Variants in OBP2B observed in about 807,000 individuals in gnomAD.
The protein encoded by OBP2B is odorant binding protein 2B.
OBP2B carries 10 observed loss-of-function variants against 21.7 expected under a neutral mutation model. The ratio of observed to expected loss-of-function variants is 0.46; its 90% CI spans 0.28 to 0.78. The LOEUF (loss-of-function observed/expected upper bound fraction) is 0.78. OBP2B is among the 30% of genes least tolerant of loss of function. The pLI is 0.11. For missense variants in OBP2B, 153 were observed against 217.7 expected (o/e 0.70, Z 1.87); for synonymous variants, 73 against 91.5 (o/e 0.80, Z 1.16).
In OBP2B at chr9:133,205,300, G is replaced by T. The variant is rs1833666060; in HGVS notation, c.*113C>A. 8 of 1,492,756 alleles carry T rather than the reference G, an allele frequency of 5.4e-6. No individual in the cohort carries two copies. Among genetic ancestry groups the T allele is most frequent in the Non-Finnish European group, 7.2e-6 (8 of 1,104,144 alleles). The allele number at this position is 1,492,756 out of a possible 1,614,324, so 92.5% of individuals were successfully genotyped here. A position where few individuals can be genotyped will look rare whatever the true frequency, so the allele number is the denominator to read the frequency against. Reference sequence around the variant, plus strand: ...GAGCTGGGGGAGAAGGACTTTATTTGGAGTCAGGTGGGTGGGAGCAGGGAA... The same window carrying T: ...GAGCTGGGGGAGAAGGACTTTATTTTGAGTCAGGTGGGTGGGAGCAGGGAA... On this transcript the variant is annotated 3_prime_UTR_variant, in exon 7 of 7. Transcript: ENST00000372034.
chr9:133,219,373 AAG>A, the OBP2B span, among the ~76,000 whole-genome samples: 1 of 152,270 alleles, frequency 6.6e-6, no homozygotes, highest in Admixed American at 6.5e-5. Flanking sequence ...CATATCTGAC[AAG>A]AGTCGAGTCT....
At chr9:133,213,221 C>A (rs1439972077), upstream of OBP2B, among the ~76,000 whole-genome samples, 1 of 152,134 alleles carries the variant, frequency 6.6e-6, no homozygotes, top group Admixed American at 6.5e-5. Context: ...GCCTGGGATA[C>A]AGAGCGAGAC....
At chr9:133,221,606 C>T in the OBP2B span, among the ~76,000 whole-genome samples, 1 of 152,170 alleles carries the variant, frequency 6.6e-6, no homozygotes, top group Non-Finnish European at 1.5e-5. Flanking sequence ...CCTGACTGAT[C>T]TAGGGCTTTC....
chr9:133,207,102 C>G (rs1403265454), intron 4 of OBP2B, 124 bp downstream of exon 4: 1 of 702,818 alleles, frequency 1.4e-6, no homozygotes, highest in East Asian at 2.7e-5. Flanking sequence ...CGGTGCCCGG[C>G]ACATGAAAGC....
chr9:133,210,955 T>G (rs1458814349), upstream of OBP2B, among the ~76,000 whole-genome samples: 1 of 152,156 alleles, frequency 6.6e-6, no homozygotes, highest in South Asian at 2.1e-4. Flanking sequence ...GATGGCTGTG[T>G]TCCTTCTGAT....
At chr9:133,211,766 C>G (rs1168563008), upstream of OBP2B, among the ~76,000 whole-genome samples, 2 of 152,150 alleles carry the variant, frequency 1.3e-5, no homozygotes, top group East Asian at 1.9e-4. Context: ...TTCTGGCCAC[C>G]AGAATGTGAG....
the OBP2B span, among the ~76,000 whole-genome samples, chr9:133,223,033 C>T: frequency 2.6e-5 from 4 of 152,274 alleles, no homozygotes; most frequent in African/African-American, 7.2e-5. The surrounding 1 kb of genome is among the most constrained non-coding windows in gnomAD (Gnocchi z 4.4). Flanking sequence ...CTGTCCTCAC[C>T]GCTTTAACTA....
At chr9:133,205,722 G>C in intron 6 of OBP2B, 195 bp downstream of exon 6, 1 of 589,640 alleles carries the variant, frequency 1.7e-6, no homozygotes, top group South Asian at 2.1e-5. Context: ...GCAGGTGCAG[G>C]AATGATAAAA....
At chr9:133,208,319 A>G in intron 2 of OBP2B, 116 bp from the exon 3 acceptor site, 4 of 1,598,388 alleles carry the variant, frequency 2.5e-6, no homozygotes, top group Non-Finnish European at 3.4e-6. Context: ...CCCCCACCCC[A>G]CCGAGCTTCA....
the OBP2B span, among the ~76,000 whole-genome samples, chr9:133,216,067 A>G: frequency 2.0e-5 from 3 of 152,196 alleles, no homozygotes; most frequent in Non-Finnish European, 4.4e-5. Flanking sequence ...ATGATCCATA[A>G]AAGGAAAAAT....
At chr9:133,218,763 C>T in the OBP2B span, among the ~76,000 whole-genome samples, 2 of 151,922 alleles carry the variant, frequency 1.3e-5, no homozygotes, top group African/African-American at 4.8e-5. Context: ...AGTCAGACGG[C>T]GTGGACGGGA....
At chr9:133,215,792 G>A in the OBP2B span, among the ~76,000 whole-genome samples, 4 of 152,204 alleles carry the variant, frequency 2.6e-5, no homozygotes, top group South Asian at 8.3e-4. Flanking sequence ...CATATACCCA[G>A]TTAAGTTTTT....
At chr9:133,214,721 G>A in the OBP2B span, among the ~76,000 whole-genome samples, 1 of 152,204 alleles carries the variant, frequency 6.6e-6, no homozygotes, top group Non-Finnish European at 1.5e-5. Flanking sequence ...GTGCCTGGTG[G>A]GAAAGGGAGA....
upstream of OBP2B, among the ~76,000 whole-genome samples, chr9:133,213,354 C>T (rs1833939469): frequency 6.6e-6 from 1 of 151,988 alleles, no homozygotes; most frequent in African/African-American, 2.4e-5. Context: ...ATCTAAGCTC[C>T]CACTTCAAGA....
At chr9:133,207,484 G>A (rs1345513943) in intron 3 of OBP2B, 148 bp from the exon 4 acceptor site, 61 of 611,444 alleles carry the variant, frequency 1.0e-4, no homozygotes, top group South Asian at 9.0e-4. Context: ...ACCCGGACAC[G>A]GAGGCAGGAG....
chr9:133,208,926 G>A (rs2119401969), intron 1 of OBP2B, among the ~76,000 whole-genome samples: 1 of 152,130 alleles, frequency 6.6e-6, no homozygotes, highest in Admixed American at 6.5e-5. Context: ...AGGAACCCCT[G>A]AGACGAGCCT....
chr9:133,207,483 C>T (rs546590630), intron 3 of OBP2B, 147 bp from the exon 4 acceptor site: 47 of 613,444 alleles, frequency 7.7e-5, no homozygotes, highest in South Asian at 4.5e-4. Context: ...GACCCGGACA[C>T]GGAGGCAGGA....
Position 133,206,052 on chromosome 9 carries a change from A to G in OBP2B, c.491-112T>C. ...GAGCCCATCGCAGCCCAGAGCGCGG[A>G]GCCCCAGACCCCATCGCAGCCCAGA... On this transcript the variant is annotated intron_variant, in intron 5 of 6. Transcript: ENST00000372034. 4 of 1,452,346 alleles carry G rather than the reference A, an allele frequency of 2.8e-6. No homozygotes were observed. In the South Asian group the frequency reaches 4.7e-5, roughly 17 times the overall value. 90.0% of individuals were successfully genotyped at this position (1,452,346 alleles called of 1,614,324 possible).
At position 133,206,359 on chromosome 9, in the gene OBP2B, C is replaced by G. The variant is rs1052515; in HGVS notation, c.446G>C (p.Arg149Pro). The change falls in exon 5 of 7, where the codon CGC (arginine) becomes CCC (proline). Residue 149 changes from arginine to proline, a missense_variant. By Grantham distance (103) the Arg-to-Pro change is moderately radical (BLOSUM62 -2). Transcript: ENST00000372034. ...AATGTCCTCCTCCGAGAGTCCCTTG[C>G]GCTGCACCAATTTCTTAAATTCTTC... ...ALEEFKKLVQ[R>P]KGLSEEDIFT... is the part of the protein sequence containing the mutation. 2 of 1,613,556 alleles carry G rather than the reference C, an allele frequency of 1.2e-6. No homozygotes were observed. Among genetic ancestry groups the G allele is most frequent in the South Asian group, 1.1e-5 (1 of 91,066 alleles).
Sources: gnomAD v4.1 joint callset for allele counts (sites outside exome capture counted in the v4.1 genomes callset) on GRCh38, gnomAD v4.1.1 for gene constraint, Gnocchi (gnomAD v3.1) non-coding constraint, MANE v1.5 for transcripts, NCBI Gene and HGNC (gene_info 2026-07-23, HGNC 2026-07-21) for gene names.